Variants in KCNMB2 observed in about 807,000 individuals in gnomAD.
The protein encoded by KCNMB2 is calcium-activated potassium channel subunit beta-2.
In KCNMB2, 9 loss-of-function variants were observed where a neutral mutation model predicts 24.5. The ratio of observed to expected loss-of-function variants is 0.37; its 90% CI spans 0.22 to 0.64. KCNMB2 has a LOEUF of 0.64. KCNMB2 is among the 30% of genes least tolerant of loss of function. The probability of loss-of-function intolerance (pLI) is 0.63; values close to 1 mark genes in which losing one functional copy is unlikely to be tolerated. For missense variants in KCNMB2, 226 were observed against 284.3 expected, an observed-to-expected ratio of 0.79 and a Z score of 1.47; for synonymous variants, 109 against 104.4, an observed-to-expected ratio of 1.04 and a Z score of -0.27.
chr3:178,825,751 A>T lies in KCNMB2; in HGVS notation c.220A>T (p.Met74Leu). ...LLGITLLRSYMQSVWTEESQC... is the reference protein window; with the variant it reads ...LLGITLLRSYLQSVWTEESQC... ...GGGAATCACACTCCTGCGCTCATAC[A>T]TGCAGAGGTAATACCACTGGGTGGG... Residue 74 changes from methionine (M) to leucine (L), a missense_variant, in exon 3 of 5, where the codon ATG becomes TTG. By Grantham distance (15) the Met-to-Leu change is conservative (BLOSUM62 2). Coordinates refer to ENST00000452583, the MANE Select transcript of KCNMB2 (RefSeq NM_181361.3). 6.2e-7 allele frequency: 1 copy of T among 1,610,392 alleles called. No individual in the cohort carries two copies. The highest frequency in any genetic ancestry group is 1.3e-5 in the African/African-American group (1 of 74,970).
At chr3:178,597,826 T>G (rs1204172154) in intron 1 of KCNMB2, among the ~76,000 whole-genome samples, 1 of 152,162 alleles carries the variant, frequency 6.6e-6, no homozygotes, top group Non-Finnish European at 1.5e-5. Context: ...TCTTTTCCTC[T>G]CTGACCGAGT....
rs58128985 is a variant in KCNMB2 at position 178,754,152 on chromosome 3, A to G, written c.-67-53191A>G. On this transcript the variant is annotated intron_variant, in intron 1 of 4. Coordinates refer to ENST00000452583, the MANE Select transcript of KCNMB2 (RefSeq NM_181361.3). Reference sequence around the variant, plus strand: ...TCATGGCTGAATAATATTCCATTGTATATATATATATATATATATATATAT... The same window carrying G: ...TCATGGCTGAATAATATTCCATTGTGTATATATATATATATATATATATAT... Among the ~76,000 whole-genome samples, 304 of 68,508 alleles carry G rather than the reference A, an allele frequency of 4.4e-3. 2 individuals are homozygous for G. The highest frequency in any genetic ancestry group is 0.027 in the East Asian group (97 of 3,548). 44.9% of individuals were successfully genotyped at this position (68,508 alleles called of 152,430 possible). A position where few individuals can be genotyped will look rare whatever the true frequency, so the allele number is the denominator to read the frequency against.
At chr3:178,560,440 TCAC>T (rs992338258) in intron 1 of KCNMB2, among the ~76,000 whole-genome samples, 3 of 152,296 alleles carry the variant, frequency 2.0e-5, no homozygotes, top group African/African-American at 7.2e-5. Flanking sequence ...ATTAAAGATA[TCAC>T]CCCACTGAAG....
intron 4 of KCNMB2, among the ~76,000 whole-genome samples, chr3:178,831,997 T>C (rs759624847): frequency 3.9e-5 from 6 of 152,198 alleles, no homozygotes; most frequent in Admixed American, 3.9e-4. Flanking sequence ...ATGTTATGTA[T>C]ACTTGAAGCT....
At chr3:178,592,747 G>A (rs1717720828) in intron 1 of KCNMB2, among the ~76,000 whole-genome samples, 1 of 152,026 alleles carries the variant, frequency 6.6e-6, no homozygotes, top group South Asian at 2.1e-4. Context: ...CTTAAAGTAT[G>A]GCACATAGAC....
At chr3:178,814,542 T>G (rs1323443699) in intron 2 of KCNMB2, among the ~76,000 whole-genome samples, 1 of 152,200 alleles carries the variant, frequency 6.6e-6, no homozygotes, top group East Asian at 1.9e-4. Flanking sequence ...TTTCAGTAAT[T>G]TGAGAAATCT....
intron 1 of KCNMB2, among the ~76,000 whole-genome samples, chr3:178,728,243 G>C (rs1247103657): frequency 1.3e-5 from 2 of 152,044 alleles, no homozygotes; most frequent in Non-Finnish European, 2.9e-5. Context: ...AATAAAGATG[G>C]GTGGCTTCAC....
At chr3:178,721,830 T>C (rs1722816731) in intron 1 of KCNMB2, among the ~76,000 whole-genome samples, 1 of 152,254 alleles carries the variant, frequency 6.6e-6, no homozygotes, top group Non-Finnish European at 1.5e-5. Flanking sequence ...AAATAGCTGA[T>C]GGTGTTGATT....
intron 1 of KCNMB2, among the ~76,000 whole-genome samples, chr3:178,793,466 G>A (rs1382896854): frequency 6.7e-6 from 1 of 150,066 alleles, no homozygotes; most frequent in African/African-American, 2.4e-5. Flanking sequence ...AGTGATGGAG[G>A]GAAGGAATTG....
chr3:178,745,531 C>A (rs138583482), intron 1 of KCNMB2, among the ~76,000 whole-genome samples: 21,282 of 152,150 alleles, frequency 0.14, 1,837 homozygotes, highest in Non-Finnish European at 0.18. Context: ...AATTTCATGT[C>A]CTCACATTTC....
intron 1 of KCNMB2, among the ~76,000 whole-genome samples, chr3:178,640,146 T>C (rs1329501457): frequency 4.6e-5 from 7 of 152,146 alleles, no homozygotes; most frequent in African/African-American, 1.4e-4. Context: ...TACAACACAA[T>C]GAAATGGGCA....
chr3:178,781,801 T>C (rs1158943414), intron 1 of KCNMB2, among the ~76,000 whole-genome samples: 2 of 151,664 alleles, frequency 1.3e-5, no homozygotes, highest in Non-Finnish European at 2.9e-5. Flanking sequence ...TTTTCTTTTT[T>C]TATTATACTT....
chr3:178,830,071 A>G (rs1307670051), intron 4 of KCNMB2, among the ~76,000 whole-genome samples: 1 of 152,148 alleles, frequency 6.6e-6, no homozygotes, highest in Non-Finnish European at 1.5e-5. Flanking sequence ...CTCTGCCTCC[A>G]CCAAAGACAA....
intron 1 of KCNMB2, among the ~76,000 whole-genome samples, chr3:178,657,491 T>G (rs1477625227): frequency 1.3e-5 from 2 of 152,190 alleles, no homozygotes; most frequent in African/African-American, 2.4e-5. Flanking sequence ...TAAGGATAGT[T>G]ACACCTACCT....
chr3:178,613,408 C>T (rs563552399), intron 1 of KCNMB2, among the ~76,000 whole-genome samples: 5 of 152,160 alleles, frequency 3.3e-5, no homozygotes, highest in South Asian at 2.1e-4. Flanking sequence ...TTTTTCTCTG[C>T]ACTTACTATT....
intron 1 of KCNMB2, among the ~76,000 whole-genome samples, chr3:178,602,205 T>C (rs1005466504): frequency 8.3e-5 from 11 of 133,072 alleles, no homozygotes; most frequent in Admixed American, 8.2e-4. Context: ...GGTAACTATC[T>C]CGCCAATCTA....
At chr3:178,769,926 C>G (rs1176672937) in intron 1 of KCNMB2, among the ~76,000 whole-genome samples, 1 of 152,166 alleles carries the variant, frequency 6.6e-6, no homozygotes, top group Admixed American at 6.5e-5. Flanking sequence ...AATGTAGTCT[C>G]TAGTAAAACT....
chr3:178,807,416 A>C lies in KCNMB2; in HGVS notation c.7A>C (p.Ile3Leu). 6.2e-7 allele frequency: 1 copy of C among 1,613,818 alleles called. No homozygotes were observed. The highest frequency in any genetic ancestry group is 8.5e-7 in the Non-Finnish European group (1 of 1,179,730). The part of the protein sequence containing the change: MF[I>L]WTSGRTSSSY... ...TGGACCAACATTCTCTAAGATGTTT[A>C]TATGGACCAGTGGCCGGACCTCTTC... is the stretch of plus-strand genomic sequence containing the variant. The change falls in exon 2 of 5, where the codon ATA (isoleucine) becomes CTA (leucine). Residue 3 changes from isoleucine (I) to leucine (L), a missense_variant. Coordinates refer to ENST00000452583, the MANE Select transcript of KCNMB2 (RefSeq NM_181361.3).
intron 1 of KCNMB2, among the ~76,000 whole-genome samples, chr3:178,786,882 C>T (rs867611720): frequency 2.0e-5 from 3 of 151,180 alleles, no homozygotes; most frequent in African/African-American, 7.3e-5. Flanking sequence ...ATATAAATTA[C>T]ATTTAACCAA....
Sources: gnomAD v4.1 joint callset for allele counts (sites outside exome capture counted in the v4.1 genomes callset) on GRCh38, gnomAD v4.1.1 for gene constraint, MANE v1.5 for transcripts, NCBI Gene and HGNC (gene_info 2026-07-23, HGNC 2026-07-21) for gene names.